ABI3BP: variants seen among roughly 807,000 people sequenced by gnomAD.
ABI3BP encodes ABI family member 3 binding protein.
ABI3BP carries 216 observed loss-of-function variants against 268.6 expected under a neutral mutation model. The ratio of observed to expected loss-of-function variants is 0.80; its 90% CI spans 0.72 to 0.90. The LOEUF (loss-of-function observed/expected upper bound fraction) is 0.90, where lower values mean the gene tolerates loss of function less well. Among genes scored for constraint, ABI3BP ranks in the 40% least tolerant of loss-of-function variants. The pLI is 0.00. For missense variants in ABI3BP, 2,090 were observed against 2,182.4 expected, an observed-to-expected ratio of 0.96 and a Z score of 0.84; for synonymous variants, 730 against 730.0, an observed-to-expected ratio of 1.00 and a Z score of 0.00.
chr3:100,862,304 T>C lies in ABI3BP; in HGVS notation c.1285+7A>G, dbSNP rs201266087. The C allele has an allele frequency of 2.5e-6, 4 of 1,580,032 alleles. No homozygotes were observed. The East Asian group carries it at 9.0e-5, about 35-fold the overall frequency. On this transcript the variant is annotated splice_region_variant and intron_variant, in intron 14 of 67. Transcript: ENST00000471714. ...AATCGATTTTTTTAAGAAAAGGATT[T>C]AATTACCAGTTTGAGGCTGCAGAAC...
chr3:100,874,492 A>C (rs1278265272), intron 9 of ABI3BP, among the ~76,000 whole-genome samples: 1 of 152,190 alleles, frequency 6.6e-6, no homozygotes, highest in Non-Finnish European at 1.5e-5. Context: ...CCTGACCTTC[A>C]CATCAATTCT....
intron 44 of ABI3BP, 31 bp downstream of exon 44, chr3:100,815,881 A>T: frequency 6.7e-7 from 1 of 1,488,290 alleles, no homozygotes; most frequent in Non-Finnish European, 8.9e-7. Context: ...GGCAATAAAA[A>T]GCATTTAATG....
intron 15 of ABI3BP, among the ~76,000 whole-genome samples, 191 bp from the exon 16 acceptor site, chr3:100,850,925 CTTTAA>C (rs377037604): frequency 1.4e-3 from 206 of 152,248 alleles, no homozygotes; most frequent in African/African-American, 4.8e-3. Flanking sequence ...AACATACATA[CTTTAA>C]ATATTAGAAA....
At chr3:100,926,993 T>C (rs1340985386) in intron 1 of ABI3BP, among the ~76,000 whole-genome samples, 1 of 151,964 alleles carries the variant, frequency 6.6e-6, no homozygotes, top group Non-Finnish European at 1.5e-5. Context: ...CAGAGAACGG[T>C]TGAGGAGGAA....
At chr3:100,802,264 T>C (rs534257876) in intron 51 of ABI3BP, among the ~76,000 whole-genome samples, 17 of 152,300 alleles carry the variant, frequency 1.1e-4, no homozygotes, top group African/African-American at 3.6e-4. Flanking sequence ...GATAGCTTGC[T>C]GAAATCTAGA....
Position 100,981,676 on chromosome 3 carries a change from G to C in ABI3BP, c.79+11630C>G, listed in dbSNP as rs186079359. Among the ~76,000 whole-genome samples, 4 of 152,316 alleles carry C rather than the reference G, an allele frequency of 2.6e-5. No homozygotes were observed. In the East Asian group the frequency reaches 7.7e-4, roughly 29 times the overall value. On this transcript the variant is annotated intron_variant, in intron 1 of 67. Coordinates refer to ENST00000471714, the MANE Select transcript of ABI3BP (RefSeq NM_001375547.2). Reference sequence around the variant, plus strand: ...GTAAAAGACAAATATGCTCTGAGCAGGATCTTCCAGACTCCTTCAGGGAGA... The same window carrying C: ...GTAAAAGACAAATATGCTCTGAGCACGATCTTCCAGACTCCTTCAGGGAGA...
At chr3:100,841,278 T>C (rs1379562921) in intron 21 of ABI3BP, among the ~76,000 whole-genome samples, 1 of 149,012 alleles carries the variant, frequency 6.7e-6, no homozygotes. Flanking sequence ...TTTTTCTATT[T>C]CTCTCTTTGA....
intron 24 of ABI3BP, 109 bp downstream of exon 24, chr3:100,839,460 G>A: frequency 8.6e-7 from 1 of 1,167,594 alleles, no homozygotes; most frequent in Admixed American, 2.0e-5. Flanking sequence ...AAAAGCGTGG[G>A]ATGAAACTGT....
In ABI3BP at chr3:100,839,087, G is replaced by T. The variant is rs1292850391; in HGVS notation, c.1945+482C>A. The stretch of plus-strand genomic sequence containing the variant: ...ATCAAGAACGATCTTGGTTCCTCTC[G>T]CTATCCATACCTATTCAAAAACATT... On this transcript the variant is annotated intron_variant, in intron 24 of 67. Coordinates refer to ENST00000471714, the MANE Select transcript of ABI3BP (RefSeq NM_001375547.2). 3.3e-5 allele frequency among the ~76,000 whole-genome samples: 5 copies of T among 152,188 alleles called. No individual in the cohort carries two copies. The East Asian group carries it at 9.6e-4, about 29-fold the overall frequency.
At chr3:100,945,677 C>T (rs754888250) in intron 1 of ABI3BP, 2 of 438,542 alleles carry the variant, frequency 4.6e-6, no homozygotes, top group Admixed American at 5.0e-5. Flanking sequence ...CTTTTATTTG[C>T]TAAATAGAAT....
At chr3:100,953,734 G>A (rs940247030) in intron 1 of ABI3BP, among the ~76,000 whole-genome samples, 3 of 152,028 alleles carry the variant, frequency 2.0e-5, no homozygotes, top group Admixed American at 1.3e-4. Flanking sequence ...AAAGGTTTAT[G>A]GAGAAGGTGA....
rs529705734 is a variant in ABI3BP, at chr3:100,938,921, G to A, written c.80-12440C>T. The stretch of plus-strand genomic sequence containing the variant: ...TTAAATTGCTTTGGTGGTGGTGGAC[G>A]TTGTTGGGGGGGCATGTGTGTGTGC... On this transcript the variant is annotated intron_variant, in intron 1 of 67. Coordinates refer to ENST00000471714, the MANE Select transcript of ABI3BP (RefSeq NM_001375547.2). Among the ~76,000 whole-genome samples the A allele has an allele frequency of 1.2e-4, 18 of 152,158 alleles. No homozygotes were observed. The South Asian group carries it at 3.3e-3, about 28-fold the overall frequency.
chr3:100,987,003 T>A (rs910713720), intron 1 of ABI3BP, among the ~76,000 whole-genome samples: 10 of 152,200 alleles, frequency 6.6e-5, no homozygotes, highest in African/African-American at 2.4e-4. Context: ...GTATTCTTAT[T>A]TGACTAGTAA....
intron 1 of ABI3BP, among the ~76,000 whole-genome samples, chr3:100,936,202 T>C (rs1561837598): frequency 6.6e-6 from 1 of 152,212 alleles, no homozygotes; most frequent in Non-Finnish European, 1.5e-5. Flanking sequence ...TTGAATTTTG[T>C]TGAAGGCCTT....
intron 2 of ABI3BP, among the ~76,000 whole-genome samples, chr3:100,920,474 A>T (rs1474915272): frequency 6.6e-6 from 1 of 151,944 alleles, no homozygotes; most frequent in Non-Finnish European, 1.5e-5. Flanking sequence ...CCCAGGCTGG[A>T]GTGCATTGGC....
intron 2 of ABI3BP, chr3:100,914,609 C>G (rs1423874847): frequency 3.0e-6 from 1 of 332,348 alleles, no homozygotes; most frequent in East Asian, 7.7e-5. Context: ...CAGTGAGAAG[C>G]AGCCCCTCAT....
At chr3:100,754,263 G>A (rs2095499131) in intron 64 of ABI3BP, among the ~76,000 whole-genome samples, 2 of 152,196 alleles carry the variant, frequency 1.3e-5, no homozygotes, top group African/African-American at 4.8e-5. Context: ...GAGATTGTAA[G>A]GTCTAATTGG....
chr3:100,772,089 G>A (rs35988888), intron 61 of ABI3BP, among the ~76,000 whole-genome samples: 2 of 152,080 alleles, frequency 1.3e-5, no homozygotes, highest in Non-Finnish European at 2.9e-5. Context: ...GCAAGTGAGA[G>A]GCATTGAAAC....
At chr3:100,940,415 G>T (rs538102765) in intron 1 of ABI3BP, among the ~76,000 whole-genome samples, 13 of 151,888 alleles carry the variant, frequency 8.6e-5, no homozygotes, top group Non-Finnish European at 1.6e-4. Flanking sequence ...CGGTCCCTCC[G>T]TTTGGGATCC....
Sources: allele counts gnomAD v4.1 joint callset (sites outside exome capture counted in the v4.1 genomes callset), GRCh38; gene constraint gnomAD v4.1.1; transcripts MANE v1.5; gene names NCBI Gene and HGNC (gene_info 2026-07-23, HGNC 2026-07-21).